Variants in EIF3B observed in about 807,000 individuals in gnomAD.
EIF3B encodes eukaryotic translation initiation factor 3 subunit 9.
EIF3B carries 10 observed loss-of-function variants against 104.6 expected under a neutral mutation model. The ratio of observed to expected loss-of-function variants is 0.10; its 90% CI spans 0.06 to 0.16. The LOEUF (loss-of-function observed/expected upper bound fraction) is 0.16. Ranked by LOEUF, EIF3B falls within the 10% of genes least tolerant of loss-of-function variation. The pLI is 1.00. For synonymous variants in EIF3B, 542 were observed against 417.2 expected (o/e 1.30, Z -3.65); for missense variants, 1,014 against 1,087.9 (o/e 0.93, Z 0.96).
At chr7:2,379,078 G>A (rs1392837157) in intron 16 of EIF3B, 56 bp from the exon 17 acceptor site, 54 of 1,512,692 alleles carry the variant, frequency 3.6e-5, no homozygotes, top group South Asian at 1.0e-4. Context: ...TGGGCTCTTC[G>A]CGATGGGGAG....
intron 8 of EIF3B, 101 bp from the exon 9 acceptor site, chr7:2,366,898 A>G: frequency 7.7e-7 from 1 of 1,299,192 alleles, no homozygotes; most frequent in South Asian, 1.3e-5. Context: ...CCCCTAGGCA[A>G]ACTCACATCA....
At chr7:2,362,622 G>A in intron 2 of EIF3B, 23 bp from the exon 3 acceptor site, 1 of 1,613,892 alleles carries the variant, frequency 6.2e-7, no homozygotes, top group East Asian at 2.2e-5. Flanking sequence ...GTGGGTATGT[G>A]CCAACGGCCC....
Position 2,355,041 on chromosome 7 carries a change from C to T in EIF3B, c.120C>T (p.Pro40=), listed in dbSNP as rs1396380148. The T allele has an allele frequency of 1.0e-5, 12 of 1,205,680 alleles. No homozygotes were observed. The African/African-American group carries it at 1.7e-4, about 18-fold the overall frequency. The allele number at this position is 1,205,680 out of a possible 1,614,324, so 74.7% of individuals were successfully genotyped here. ...PAEGLLRPAG[P]GAPEAAGTEA... Reference sequence around the variant, plus strand: ...AGGGGCTGCTGCGGCCCGCGGGGCCCGGCGCTCCGGAGGCCGCGGGGACCG... The same window carrying T: ...AGGGGCTGCTGCGGCCCGCGGGGCCTGGCGCTCCGGAGGCCGCGGGGACCG... Residue 40 remains proline, a synonymous_variant, in exon 1 of 19, where the codon CCC becomes CCT. Coordinates refer to ENST00000360876, the MANE Select transcript of EIF3B (RefSeq NM_001037283.2).
intron 9 of EIF3B, among the ~76,000 whole-genome samples, chr7:2,367,671 T>C (rs911214145): frequency 6.6e-6 from 1 of 152,086 alleles, no homozygotes; most frequent in Admixed American, 6.6e-5. Flanking sequence ...GGTTTCACCA[T>C]GTTGGCTGGG....
chr7:2,364,601 A>G (rs767507715), intron 6 of EIF3B, 72 bp downstream of exon 6: 510 of 1,370,860 alleles, frequency 3.7e-4, no homozygotes, highest in Non-Finnish European at 2.0e-4. Flanking sequence ...GTGATCTTTC[A>G]TTTTGTAGCA....
At chr7:2,373,033 G>T in intron 12 of EIF3B, 1 of 350,894 alleles carries the variant, frequency 2.8e-6, no homozygotes. Flanking sequence ...TATTTCCAAG[G>T]CTTCCATTCT....
chr7:2,380,388 A>C lies in EIF3B; in HGVS notation c.*199A>C, dbSNP rs776185103. 1 of 518,818 alleles carries C rather than the reference A, an allele frequency of 1.9e-6. No homozygotes were observed. The highest frequency in any genetic ancestry group is 3.8e-6 in the Non-Finnish European group (1 of 259,748). The allele number at this position is 518,818 out of a possible 1,614,324, so 32.1% of individuals were successfully genotyped here. On this transcript the variant is annotated 3_prime_UTR_variant, in exon 19 of 19. Coordinates refer to ENST00000360876, the MANE Select transcript of EIF3B (RefSeq NM_001037283.2). ...ACTGTGACTGCGCCTGGATTCTGCC[A>C]TTGCGACACATTTTTGTGCCTTTCA... is the stretch of plus-strand genomic sequence containing the variant.
chr7:2,377,112 G>A (rs1203016776), intron 15 of EIF3B, 37 bp downstream of exon 15: 2 of 1,574,302 alleles, frequency 1.3e-6, no homozygotes, highest in African/African-American at 2.7e-5. Flanking sequence ...AGGGCACATG[G>A]AGGCAATTGT....
chr7:2,369,348 G>A (rs547187102), intron 9 of EIF3B, 124 bp from the exon 10 acceptor site: 74 of 1,027,194 alleles, frequency 7.2e-5, no homozygotes, highest in African/African-American at 7.0e-4. Flanking sequence ...CAGAGGGAGC[G>A]CTCAGCGTCA....
At chr7:2,358,969 T>G (rs962174731) in intron 1 of EIF3B, among the ~76,000 whole-genome samples, 1 of 152,060 alleles carries the variant, frequency 6.6e-6, no homozygotes, top group South Asian at 2.1e-4. Flanking sequence ...CTGTAGTCCC[T>G]GCTACTTGGG....
Position 2,354,830 on chromosome 7 carries a change from G to T in EIF3B, c.-92G>T. On this transcript the variant is annotated 5_prime_UTR_variant, in exon 1 of 19. Transcript: ENST00000360876. ...GCGGCCTCCCCGTCGCACGCACATG[G>T]CTGGGCTGTAGCCGTCGCGGCGCGC... 1 of 1,032,842 alleles carries T rather than the reference G, an allele frequency of 9.7e-7. No individual in the cohort carries two copies. The highest frequency in any genetic ancestry group is 1.2e-6 in the Non-Finnish European group (1 of 860,112). 64.0% of individuals were successfully genotyped at this position (1,032,842 alleles called of 1,614,324 possible).
rs1780059501 is a variant in EIF3B at position 2,366,994 on chromosome 7, G to C, written c.1357-5G>C. On this transcript the variant is annotated splice_polypyrimidine_tract_variant and splice_region_variant and intron_variant, in intron 8 of 18. Coordinates refer to ENST00000360876, the MANE Select transcript of EIF3B (RefSeq NM_001037283.2). ...TCAACTGCAGCCTTCCTTTTTTTTGGGCAGTCTATGGGTCTTTTGGACAAG... is the reference window on the plus strand; with the variant it reads ...TCAACTGCAGCCTTCCTTTTTTTTGCGCAGTCTATGGGTCTTTTGGACAAG... 2 of 1,608,632 alleles carry C rather than the reference G, an allele frequency of 1.2e-6. No homozygotes were observed. The highest frequency in any genetic ancestry group is 2.2e-5 in the East Asian group (1 of 44,856).
chr7:2,373,682 G>C (rs1780479815), intron 12 of EIF3B: 1 of 152,222 alleles, frequency 6.6e-6, no homozygotes, highest in African/African-American at 2.4e-5. Context: ...ATTGCAGACT[G>C]TCCAGAGACT....
At chr7:2,367,213 G>C in intron 9 of EIF3B, 168 bp downstream of exon 9, 1 of 613,502 alleles carries the variant, frequency 1.6e-6, no homozygotes, top group East Asian at 3.0e-5. Context: ...CCTGCAGACT[G>C]TCTGGTGACG....
chr7:2,372,642 A>G, intron 11 of EIF3B, 31 bp from the exon 12 acceptor site: 1 of 1,608,944 alleles, frequency 6.2e-7, no homozygotes, highest in Non-Finnish European at 8.5e-7. Flanking sequence ...GAATTGACCA[A>G]AAAGGGAGGG....
intron 9 of EIF3B, among the ~76,000 whole-genome samples, chr7:2,369,129 TA>T (rs1780185926): frequency 6.6e-6 from 1 of 152,204 alleles, no homozygotes; most frequent in South Asian, 2.1e-4. Flanking sequence ...TCCGTCAGCC[TA>T]AAACTTATTT....
At chr7:2,369,434 T>C (rs754320382) in intron 9 of EIF3B, 38 bp from the exon 10 acceptor site, 1 of 1,602,092 alleles carries the variant, frequency 6.2e-7, no homozygotes, top group Non-Finnish European at 8.5e-7. Flanking sequence ...CGTCATCACT[T>C]GGTCTTTGCT....
chr7:2,375,061 G>A (rs1304126211), intron 13 of EIF3B: 1 of 374,304 alleles, frequency 2.7e-6, no homozygotes, highest in Middle Eastern at 7.6e-4. Context: ...CCAGCTTTCT[G>A]CTCTGAGTTA....
At chr7:2,369,230 G>A (rs1263240845) in intron 9 of EIF3B, among the ~76,000 whole-genome samples, 2 of 152,206 alleles carry the variant, frequency 1.3e-5, no homozygotes, top group African/African-American at 4.8e-5. Flanking sequence ...TGGTGGGGTT[G>A]CTAATATTCT....
Sources: gnomAD v4.1 joint callset for allele counts (sites outside exome capture counted in the v4.1 genomes callset) on GRCh38, gnomAD v4.1.1 for gene constraint, MANE v1.5 for transcripts, NCBI Gene and HGNC (gene_info 2026-07-23, HGNC 2026-07-21) for gene names.